SHISA9: variants seen among roughly 807,000 people sequenced by gnomAD.
SHISA9 encodes the protein shisa family member 9, also known as protein shisa-9.
A neutral mutation model predicts 38.0 loss-of-function variants in SHISA9; 13 were observed. The observed-to-expected ratio is 0.34, with a 90% CI of 0.22 to 0.54. The LOEUF (loss-of-function observed/expected upper bound fraction) is 0.54. SHISA9 is among the 20% of genes least tolerant of loss of function. The pLI is 0.91. For synonymous variants in SHISA9, 275 were observed against 242.0 expected (o/e 1.14, Z -1.27); for missense variants, 538 against 575.8 (o/e 0.93, Z 0.67).
chr16:13,494,837 T>G, the SHISA9 span, among the ~76,000 whole-genome samples: 1 of 152,180 alleles, frequency 6.6e-6, no homozygotes, highest in Non-Finnish European at 1.5e-5. Context: ...TTATTCACGA[T>G]AGCAAAAAAC....
intron 2 of SHISA9, among the ~76,000 whole-genome samples, chr16:12,945,718 C>G (rs1012763676): frequency 6.6e-6 from 1 of 152,210 alleles, no homozygotes; most frequent in African/African-American, 2.4e-5. Context: ...TGTTTTGAGA[C>G]TTAAATGAGA....
At chr16:13,563,000 A>C in the SHISA9 span, 1 of 152,068 alleles carries the variant, frequency 6.6e-6, no homozygotes, top group African/African-American at 2.4e-5. Context: ...ATATTAAAGG[A>C]GTTGCGTGTT....
chr16:13,354,502 G>A, the SHISA9 span, among the ~76,000 whole-genome samples: 1 of 151,220 alleles, frequency 6.6e-6, no homozygotes. Context: ...AACAAAGAGT[G>A]AGTACAGCTG....
At chr16:13,243,227 C>T (rs944316860), downstream of SHISA9, among the ~76,000 whole-genome samples, 14 of 150,024 alleles carry the variant, frequency 9.3e-5, no homozygotes, top group South Asian at 2.1e-4. Context: ...GGTGACAGTG[C>T]GAGACTCTGT....
chr16:12,971,950 C>T (rs779977967), intron 2 of SHISA9, among the ~76,000 whole-genome samples: 1 of 151,812 alleles, frequency 6.6e-6, no homozygotes, highest in African/African-American at 2.4e-5. Flanking sequence ...ACAAAAATTT[C>T]TCTTGCATGC....
At chr16:13,528,926 T>C in the SHISA9 span, among the ~76,000 whole-genome samples, 1 of 152,172 alleles carries the variant, frequency 6.6e-6, no homozygotes, top group Admixed American at 6.5e-5. Context: ...CCACTTCTGA[T>C]TTGATGACCC....
At chr16:13,337,536 C>T in the SHISA9 span, among the ~76,000 whole-genome samples, 1 of 152,110 alleles carries the variant, frequency 6.6e-6, no homozygotes, top group Non-Finnish European at 1.5e-5. Context: ...TACCATTCAC[C>T]AGTGAAGTGC....
rs117448947 is a variant in SHISA9 at position 13,212,050 on chromosome 16, G to A, written c.848-1203G>A. ...GGTGTACAGTTCAGATCCACGGGGG[G>A]GATGTGGCGATTTGAGCATCCTTTG... On this transcript the variant is annotated intron_variant, in intron 3 of 4. Coordinates refer to ENST00000558583, the MANE Select transcript of SHISA9 (RefSeq NM_001145204.3). 8.8e-3 allele frequency among the ~76,000 whole-genome samples: 1,336 copies of A among 152,274 alleles called. 11 individuals carry two copies. Among genetic ancestry groups the A allele is most frequent in the Non-Finnish European group, 0.01 (709 of 68,028 alleles).
chr16:13,058,949 C>T (rs1280929881), intron 2 of SHISA9, among the ~76,000 whole-genome samples: 1 of 151,866 alleles, frequency 6.6e-6, no homozygotes, highest in East Asian at 1.9e-4. Context: ...GGGGGGTGGA[C>T]ATTTGGGAAG....
intron 2 of SHISA9, among the ~76,000 whole-genome samples, chr16:13,193,307 G>A (rs913315812): frequency 6.6e-6 from 1 of 152,116 alleles, no homozygotes; most frequent in African/African-American, 2.4e-5. Context: ...TAAGAGATGT[G>A]AGGGAAAGTT....
At chr16:13,428,394 A>T in the SHISA9 span, among the ~76,000 whole-genome samples, 2 of 152,210 alleles carry the variant, frequency 1.3e-5, no homozygotes, top group African/African-American at 4.8e-5. Context: ...ATGACCAAAA[A>T]GCTGTCAAGG....
chr16:13,335,710 G>A, the SHISA9 span, among the ~76,000 whole-genome samples: 22 of 152,202 alleles, frequency 1.4e-4, no homozygotes, highest in Admixed American at 7.8e-4. Flanking sequence ...CCCATGAGCC[G>A]TAGAGCCTTT....
rs762698210 is a variant in SHISA9 at position 12,902,439 on chromosome 16, G to A, written c.375G>A (p.Thr125=). ...LNQSTCTNYD[T]PLWLNTGKPP... The stretch of plus-strand genomic sequence containing the variant: ...AAAGCACCTGCACCAACTACGACAC[G>A]CCGCTCTGGCTCAACACCGGCAAGC... The change falls in exon 1 of 5, where the codon ACG becomes ACA. Residue 125 remains threonine (T), a synonymous_variant. Transcript: ENST00000558583. The A allele has an allele frequency of 1.9e-6, 3 of 1,551,304 alleles. No homozygotes were observed. The East Asian group carries it at 7.3e-5, about 38-fold the overall frequency.
chr16:13,252,907 C>A, the SHISA9 span, among the ~76,000 whole-genome samples: 1 of 152,056 alleles, frequency 6.6e-6, no homozygotes, highest in East Asian at 1.9e-4. Context: ...CTGTGTAGGT[C>A]CATTTATACT....
At chr16:13,538,562 A>AT in the SHISA9 span, among the ~76,000 whole-genome samples, 60 of 152,304 alleles carry the variant, frequency 3.9e-4, no homozygotes, top group African/African-American at 1.2e-3. Flanking sequence ...AAGGCAATGT[A>AT]TGTTTTTGCT....
chr16:13,122,737 G>T (rs538864169), intron 2 of SHISA9, among the ~76,000 whole-genome samples: 102 of 152,120 alleles, frequency 6.7e-4, no homozygotes, highest in Non-Finnish European at 1.3e-3. Context: ...CATATTATTA[G>T]GTTTTAAGAT....
In SHISA9 at chr16:13,196,241, C is replaced by A. The variant is rs544086939; in HGVS notation, c.692-7153C>A. The stretch of plus-strand genomic sequence containing the variant: ...TGAAACCCCGTCTCTACTAAAAATA[C>A]AAAAAATTAGCTGGGCGAGGTGGCG... On this transcript the variant is annotated intron_variant, in intron 2 of 4. Coordinates refer to ENST00000558583, the MANE Select transcript of SHISA9 (RefSeq NM_001145204.3). Among the ~76,000 whole-genome samples the A allele has an allele frequency of 7.2e-4, 105 of 146,052 alleles. No individual in the cohort carries two copies. The East Asian group carries it at 0.011, about 16-fold the overall frequency.
chr16:13,073,726 T>A (rs1219976473), intron 2 of SHISA9, among the ~76,000 whole-genome samples: 1 of 152,070 alleles, frequency 6.6e-6, no homozygotes, highest in East Asian at 1.9e-4. Context: ...CTCAAACCAA[T>A]GACAAGTGTC....
chr16:13,265,679 G>T, the SHISA9 span, among the ~76,000 whole-genome samples: 2 of 149,838 alleles, frequency 1.3e-5, no homozygotes, highest in Non-Finnish European at 3.0e-5. Flanking sequence ...ATCGAGTGCA[G>T]TGCATACAAT....
Sources: gnomAD v4.1 joint callset for allele counts (sites outside exome capture counted in the v4.1 genomes callset) on GRCh38, gnomAD v4.1.1 for gene constraint, MANE v1.5 for transcripts, NCBI Gene and HGNC (gene_info 2026-07-23, HGNC 2026-07-21) for gene names.